Variants in DLGAP2 observed in about 807,000 individuals in gnomAD.
The protein encoded by DLGAP2 is disks large-associated protein 2.
In DLGAP2, 26 loss-of-function variants were observed where a neutral mutation model predicts 100.3. The ratio of observed to expected loss-of-function variants is 0.26; its 90% CI spans 0.19 to 0.36. DLGAP2 has a LOEUF of 0.36. Among genes scored for constraint, DLGAP2 ranks in the 10% least tolerant of loss-of-function variants. The pLI is 1.00. For synonymous variants in DLGAP2, 886 were observed against 630.1 expected (o/e 1.41, Z -6.08); for missense variants, 1,858 against 1,453.2 (o/e 1.28, Z -4.53).
At chr8:886,449 A>G (rs7016235) in intron 1 of DLGAP2, among the ~76,000 whole-genome samples, 20,138 of 151,904 alleles carry the variant, frequency 0.13, 1,609 homozygotes, top group Admixed American at 0.27. Context: ...TATAGCTCTT[A>G]TAATTGCACT....
chr8:1,556,078 G>T (rs1801956274), intron 5 of DLGAP2, among the ~76,000 whole-genome samples: 1 of 152,234 alleles, frequency 6.6e-6, no homozygotes, highest in African/African-American at 2.4e-5. Context: ...ACCTCATGGT[G>T]ACTGGGTGCA....
chr8:1,103,049 G>T (rs1158265659), intron 2 of DLGAP2, among the ~76,000 whole-genome samples: 1 of 151,688 alleles, frequency 6.6e-6, no homozygotes, highest in Non-Finnish European at 1.5e-5. Flanking sequence ...TGAGTCTCTG[G>T]AGTCTCTGTG....
At position 1,312,090 on chromosome 8, in the gene DLGAP2, C is replaced by T. The variant is rs184892382; in HGVS notation, c.106+53207C>T. 1.4e-3 allele frequency among the ~76,000 whole-genome samples: 217 copies of T among 152,332 alleles called. 1 individual carries two copies. The highest frequency in any genetic ancestry group is 5.0e-3 in the African/African-American group (206 of 41,584). The stretch of plus-strand genomic sequence containing the variant: ...ATCTGTAGGCTACTTCATCCAACAG[C>T]AGCAGAACACAGATTCTTCCCAAGC... On this transcript the variant is annotated intron_variant, in intron 3 of 14. Coordinates refer to ENST00000637795, the MANE Select transcript of DLGAP2 (RefSeq NM_001346810.2).
chr8:1,430,730 C>T (rs570947508), intron 3 of DLGAP2, among the ~76,000 whole-genome samples: 1 of 152,252 alleles, frequency 6.6e-6, no homozygotes, highest in South Asian at 2.1e-4. Context: ...AGTTTTCTTC[C>T]ACTCAGAAAT....
chr8:1,503,595 C>T (rs533189391), intron 4 of DLGAP2, among the ~76,000 whole-genome samples: 1 of 152,058 alleles, frequency 6.6e-6, no homozygotes, highest in Non-Finnish European at 1.5e-5. Flanking sequence ...GCTCTCTCTC[C>T]ACGTCACTGT....
intron 2 of DLGAP2, among the ~76,000 whole-genome samples, chr8:1,011,130 C>A (rs1801269732): frequency 6.9e-6 from 1 of 145,394 alleles, no homozygotes; most frequent in African/African-American, 2.6e-5. Flanking sequence ...GGGCGAAGGG[C>A]CTCAGTCTAC....
At chr8:1,196,616 C>A (rs1326748376) in intron 2 of DLGAP2, among the ~76,000 whole-genome samples, 1 of 152,148 alleles carries the variant, frequency 6.6e-6, no homozygotes, top group East Asian at 1.9e-4. Context: ...GAGGCATCTG[C>A]AGGTCGAGGG....
intron 3 of DLGAP2, among the ~76,000 whole-genome samples, chr8:1,496,415 A>G (rs1392694438): frequency 6.6e-6 from 1 of 152,004 alleles, no homozygotes; most frequent in East Asian, 1.9e-4. Flanking sequence ...ACTTTCTGGA[A>G]GGTGTTGATG....
At chr8:1,549,842 G>A (rs1801699233) in intron 5 of DLGAP2, among the ~76,000 whole-genome samples, 159 bp downstream of exon 5, 2 of 152,264 alleles carry the variant, frequency 1.3e-5, no homozygotes, top group South Asian at 2.1e-4. Context: ...CCACTGAGCT[G>A]TTAACACACG....
intron 1 of DLGAP2, among the ~76,000 whole-genome samples, chr8:897,357 G>A (rs143852441): frequency 2.3e-4 from 35 of 152,182 alleles, no homozygotes; most frequent in African/African-American, 8.2e-4. Context: ...TTGTGCCGAT[G>A]TATCTGCATT....
chr8:1,360,279 T>C (rs62487414), intron 3 of DLGAP2, among the ~76,000 whole-genome samples: 4,817 of 66,774 alleles, frequency 0.072, 211 homozygotes, highest in Middle Eastern at 0.26. Flanking sequence ...GGGGCTTCTC[T>C]GGGGCGGGGC....
chr8:1,025,759 C>T (rs560765983), intron 2 of DLGAP2, among the ~76,000 whole-genome samples: 2 of 152,228 alleles, frequency 1.3e-5, no homozygotes, highest in South Asian at 4.1e-4. Context: ...AGGGAGGGAC[C>T]AGCCTAACGG....
intron 3 of DLGAP2, among the ~76,000 whole-genome samples, chr8:1,418,181 T>G (rs574407986): frequency 6.6e-6 from 1 of 152,326 alleles, no homozygotes; most frequent in South Asian, 2.1e-4. Context: ...TCAAAGACCT[T>G]GATCTTGGGT....
At chr8:1,602,280 A>G (rs371843711) in intron 6 of DLGAP2, among the ~76,000 whole-genome samples, 1 of 152,268 alleles carries the variant, frequency 6.6e-6, no homozygotes, top group Non-Finnish European at 1.5e-5. Flanking sequence ...ACATTCTAGT[A>G]GAAAGTGTAA....
At chr8:1,054,213 C>T (rs1276228506) in intron 2 of DLGAP2, among the ~76,000 whole-genome samples, 1 of 152,060 alleles carries the variant, frequency 6.6e-6, no homozygotes, top group Non-Finnish European at 1.5e-5. Flanking sequence ...CAGATCCACA[C>T]GCATGCGCAC....
chr8:866,986 C>G (rs1797510383), intron 1 of DLGAP2, among the ~76,000 whole-genome samples: 1 of 152,116 alleles, frequency 6.6e-6, no homozygotes, highest in African/African-American at 2.4e-5. Flanking sequence ...GGGGTTTGTT[C>G]TCTCTCCAAA....
intron 3 of DLGAP2, among the ~76,000 whole-genome samples, chr8:1,491,946 G>T (rs1448732179): frequency 6.6e-6 from 1 of 152,208 alleles, no homozygotes; most frequent in Non-Finnish European, 1.5e-5. Flanking sequence ...GACGCGAGGG[G>T]GTGACGAGTG....
At position 1,177,735 on chromosome 8, in the gene DLGAP2, G is replaced by T. The variant is rs151139440; in HGVS notation, c.74-81116G>T. On this transcript the variant is annotated intron_variant, in intron 2 of 14. Transcript: ENST00000637795. ...CTGAGATTGAGATGCCAGCAGGTTCGATGTCTGGTGAGGGCTGCTTCCTGG... is the reference window on the plus strand; with the variant it reads ...CTGAGATTGAGATGCCAGCAGGTTCTATGTCTGGTGAGGGCTGCTTCCTGG... Among the ~76,000 whole-genome samples, 97 of 152,252 alleles carry T rather than the reference G, an allele frequency of 6.4e-4. 2 individuals carry two copies. The East Asian group carries it at 0.018, about 29-fold the overall frequency.
intron 1 of DLGAP2, among the ~76,000 whole-genome samples, chr8:811,528 A>G (rs1268760524): frequency 4.4e-5 from 6 of 137,724 alleles, no homozygotes; most frequent in African/African-American, 8.4e-5. Context: ...CTTTCGGATG[A>G]AGCTCCCATC....
Sources: gnomAD v4.1 joint callset for allele counts (sites outside exome capture counted in the v4.1 genomes callset) on GRCh38, gnomAD v4.1.1 for gene constraint, MANE v1.5 for transcripts, NCBI Gene and HGNC (gene_info 2026-07-23, HGNC 2026-07-21) for gene names.